Variants in SYT1 observed in about 807,000 individuals in gnomAD.
SYT1 encodes synaptotagmin 1.
In SYT1, 8 loss-of-function variants were observed where a neutral mutation model predicts 44.8. The observed-to-expected ratio is 0.18, with a 90% CI of 0.10 to 0.32. SYT1 has a LOEUF of 0.32. SYT1 is among the 10% of genes least tolerant of loss of function. SYT1 has a pLI of 1.00. For synonymous variants in SYT1, 154 were observed against 188.8 expected, an observed-to-expected ratio of 0.82 and a Z score of 1.51; for missense variants, 286 against 509.3, an observed-to-expected ratio of 0.56 and a Z score of 4.22.
intron 1 of SYT1, among the ~76,000 whole-genome samples, chr12:78,914,388 A>G (rs966050180): frequency 6.6e-6 from 1 of 151,956 alleles, no homozygotes; most frequent in African/African-American, 2.4e-5. Flanking sequence ...ATCTATTCTG[A>G]TAACAGTCTA....
intron 2 of SYT1, among the ~76,000 whole-genome samples, chr12:79,021,744 T>C (rs1463692991): frequency 1.3e-5 from 2 of 151,854 alleles, no homozygotes; most frequent in African/African-American, 4.8e-5. Flanking sequence ...AGAAAATATA[T>C]AATGCCCAAA....
chr12:79,272,082 GA>G (rs1425803031), intron 4 of SYT1, among the ~76,000 whole-genome samples: 1 of 152,094 alleles, frequency 6.6e-6, no homozygotes, highest in African/African-American at 2.4e-5. Context: ...GGTAAGCCTT[GA>G]AAAGGAAGTA....
intron 9 of SYT1, among the ~76,000 whole-genome samples, chr12:79,384,876 G>A (rs1031285999): frequency 4.6e-5 from 7 of 151,922 alleles, no homozygotes; most frequent in African/African-American, 1.7e-4. Context: ...TTTATGTATG[G>A]GTGTTTAATA....
At chr12:78,891,868 A>G (rs1487610634) in intron 1 of SYT1, among the ~76,000 whole-genome samples, 1 of 151,902 alleles carries the variant, frequency 6.6e-6, no homozygotes, top group East Asian at 1.9e-4. Flanking sequence ...ATGTCATCTC[A>G]TTAGTGTCTT....
intron 8 of SYT1, among the ~76,000 whole-genome samples, chr12:79,336,232 C>T (rs1882083643): frequency 6.6e-6 from 1 of 152,120 alleles, no homozygotes; most frequent in South Asian, 2.1e-4. Context: ...TAGGGTCCTG[C>T]CACATAGTCC....
chr12:79,217,171 C>T (rs968444446), intron 3 of SYT1, among the ~76,000 whole-genome samples: 2 of 152,098 alleles, frequency 1.3e-5, no homozygotes, highest in Non-Finnish European at 2.9e-5. Context: ...TTGTTTCATA[C>T]ACGTTTTGGT....
At chr12:79,438,541 G>A (rs1045387017) in intron 9 of SYT1, among the ~76,000 whole-genome samples, 3 of 152,244 alleles carry the variant, frequency 2.0e-5, no homozygotes, top group African/African-American at 4.8e-5. Context: ...GCACCAGGCC[G>A]CAGGTGTCTG....
At chr12:79,000,235 G>A (rs1870642969) in intron 2 of SYT1, among the ~76,000 whole-genome samples, 1 of 144,060 alleles carries the variant, frequency 6.9e-6, no homozygotes, top group East Asian at 2.1e-4. Context: ...CTCCCTTGCT[G>A]TTTAACATAA....
intron 4 of SYT1, among the ~76,000 whole-genome samples, chr12:79,262,701 C>T (rs561418287): frequency 3.3e-5 from 5 of 152,306 alleles, no homozygotes; most frequent in Admixed American, 6.5e-5. Flanking sequence ...AGCTCCTCAA[C>T]GCTTCTTCTC....
At chr12:79,360,756 A>G (rs528084110) in intron 9 of SYT1, among the ~76,000 whole-genome samples, 2 of 152,352 alleles carry the variant, frequency 1.3e-5, no homozygotes, top group Admixed American at 1.3e-4. Flanking sequence ...ATACTTCAAA[A>G]TGCTTAATTA....
intron 9 of SYT1, among the ~76,000 whole-genome samples, chr12:79,422,481 A>G (rs758512246): frequency 6.6e-5 from 10 of 151,028 alleles, no homozygotes; most frequent in Non-Finnish European, 1.5e-4. Flanking sequence ...AGTATAGGTG[A>G]CTTATTGACT....
chr12:79,261,926 ACT>A (rs1213881490), intron 4 of SYT1, among the ~76,000 whole-genome samples: 3 of 152,116 alleles, frequency 2.0e-5, no homozygotes, highest in African/African-American at 4.8e-5. Context: ...TTATTATTTT[ACT>A]CTCTTATTGT....
At chr12:79,404,637 GGAA>G (rs1210094124) in intron 9 of SYT1, among the ~76,000 whole-genome samples, 1 of 152,136 alleles carries the variant, frequency 6.6e-6, no homozygotes, top group Admixed American at 6.6e-5. Flanking sequence ...CCTACATCCA[GGAA>G]GCTTACGTGA....
chr12:78,961,226 A>G (rs922745445), intron 1 of SYT1, among the ~76,000 whole-genome samples: 1 of 151,890 alleles, frequency 6.6e-6, no homozygotes, highest in Admixed American at 6.6e-5. Context: ...CTCAGCCTCC[A>G]GAGTAGCTGG....
chr12:79,108,187 A>C (rs186252432), intron 3 of SYT1, among the ~76,000 whole-genome samples: 2 of 152,104 alleles, frequency 1.3e-5, no homozygotes, highest in East Asian at 3.9e-4. Context: ...AAAGGGTTTG[A>C]TGGAGGGGTG....
chr12:79,214,006 T>G (rs1483325292), intron 3 of SYT1, among the ~76,000 whole-genome samples: 1 of 152,224 alleles, frequency 6.6e-6, no homozygotes, highest in Admixed American at 6.5e-5. Flanking sequence ...AAATGATGCC[T>G]CCTGATAAGC....
chr12:79,146,896 A>G (rs778944542), intron 3 of SYT1, among the ~76,000 whole-genome samples: 45 of 152,188 alleles, frequency 3.0e-4, no homozygotes, highest in Non-Finnish European at 5.4e-4. Flanking sequence ...GCTAGAGCAC[A>G]ATGGCACGAT....
At chr12:78,979,898 A>C (rs1413866146) in intron 2 of SYT1, among the ~76,000 whole-genome samples, 2 of 152,056 alleles carry the variant, frequency 1.3e-5, no homozygotes, top group Non-Finnish European at 2.9e-5. Context: ...GTCTATCTTT[A>C]ATATTTTATA....
intron 3 of SYT1, among the ~76,000 whole-genome samples, chr12:79,087,901 A>G (rs1454157582): frequency 6.6e-6 from 1 of 151,912 alleles, no homozygotes; most frequent in Non-Finnish European, 1.5e-5. Context: ...TCTTACAGAA[A>G]CTCCCTGAGA....
Sources: allele counts gnomAD v4.1 joint callset (sites outside exome capture counted in the v4.1 genomes callset), GRCh38; gene constraint gnomAD v4.1.1; transcripts MANE v1.5; gene names NCBI Gene and HGNC (gene_info 2026-07-23, HGNC 2026-07-21).